Variants in RBL2 observed in about 807,000 individuals in gnomAD.
RBL2 encodes the protein retinoblastoma-like protein 2.
In RBL2, 56 loss-of-function variants were observed where a neutral mutation model predicts 126.0. That is an observed-to-expected ratio of 0.44 (90% confidence interval 0.36 to 0.56). The LOEUF (loss-of-function observed/expected upper bound fraction) is 0.56. Ranked by LOEUF, RBL2 falls within the 20% of genes least tolerant of loss-of-function variation. The probability of loss-of-function intolerance (pLI) is 0.00; values close to 1 mark genes in which losing one functional copy is unlikely to be tolerated. For synonymous variants in RBL2, 454 were observed against 478.5 expected, an observed-to-expected ratio of 0.95 and a Z score of 0.67; for missense variants, 1,229 against 1,398.2, an observed-to-expected ratio of 0.88 and a Z score of 1.93.
Position 53,444,540 on chromosome 16 carries a change from G to A in RBL2, c.572+1682G>A, listed in dbSNP as rs138575626. ...TGCACTCCAGCCTGGGCGATAGAGC[G>A]AGACTCCATTTTAATAAATAAATAA... On this transcript the variant is annotated intron_variant, in intron 3 of 21. Transcript: ENST00000262133. Among the ~76,000 whole-genome samples the A allele has an allele frequency of 6.1e-3, 922 of 150,184 alleles. 9 individuals are homozygous for A. Among genetic ancestry groups the A allele is most frequent in the African/African-American group, 0.022 (880 of 39,924 alleles).
intron 17 of RBL2, among the ~76,000 whole-genome samples, chr16:53,474,400 T>C (rs1303467594): frequency 6.6e-6 from 1 of 152,182 alleles, no homozygotes; most frequent in Non-Finnish European, 1.5e-5. Flanking sequence ...CACCGCAACC[T>C]CCGCCTCCCA....
Position 53,453,532 on chromosome 16 carries a change from C to T in RBL2, c.847C>T (p.His283Tyr), listed in dbSNP as rs894906149. 2 of 1,613,050 alleles carry T rather than the reference C, an allele frequency of 1.2e-6. No individual in the cohort carries two copies. The highest frequency in any genetic ancestry group is 1.7e-5 in the Admixed American group (1 of 60,004). ...TATCATTGAGAAACTGTGTTCCTTA[C>T]ATGATGGCCTAGTTTTGGAAGCAAA... ...PCIIEKLCSL[H>Y]DGLVLEAKGI... Residue 283 changes from histidine (H) to tyrosine (Y), a missense_variant, in exon 6 of 22, where the codon CAT (histidine) becomes TAT (tyrosine). Transcript: ENST00000262133.
intron 13 of RBL2, chr16:53,466,791 G>T (rs1038799464): frequency 6.5e-5 from 20 of 307,542 alleles, no homozygotes; most frequent in African/African-American, 4.5e-4. Flanking sequence ...CCCAGGGGTT[G>T]GGGACTCCTG....
At position 53,440,953 on chromosome 16, in the gene RBL2, CTTTTTTT is replaced by C. The variant is rs1178378934; in HGVS notation, c.372-1687_372-1681del. On this transcript the variant is annotated intron_variant, in intron 2 of 21. Transcript: ENST00000262133. ...ACTCTATTTTTTTTATTTTTCAGTT[CTTTTTTT>C]TTTTTTTTTTTTTTTTTGAGATGGA... Among the ~76,000 whole-genome samples, 13 of 71,662 alleles carry C rather than the reference CTTTTTTT, an allele frequency of 1.8e-4. No individual in the cohort carries two copies. The East Asian group carries it at 2.9e-3, about 16-fold the overall frequency. The allele number at this position is 71,662 out of a possible 152,430, so 47.0% of individuals were successfully genotyped here. A position where few individuals can be genotyped will look rare whatever the true frequency, so the allele number is the denominator to read the frequency against.
intron 5 of RBL2, 86 bp from the exon 6 acceptor site, chr16:53,453,366 T>G: frequency 1.6e-6 from 2 of 1,262,656 alleles, no homozygotes; most frequent in African/African-American, 1.5e-5. Flanking sequence ...GGTATACTGA[T>G]TATACTCTAT....
At chr16:53,481,519 A>G in intron 20 of RBL2, 152 bp from the exon 21 acceptor site, 1 of 680,844 alleles carries the variant, frequency 1.5e-6, no homozygotes, top group Non-Finnish European at 2.3e-6. Context: ...TTGCTATTAG[A>G]ATATTTTTCT....
intron 5 of RBL2, among the ~76,000 whole-genome samples, chr16:53,453,239 A>T (rs1218930126): frequency 6.6e-6 from 1 of 152,212 alleles, no homozygotes; most frequent in East Asian, 1.9e-4. Context: ...TAAATAATTG[A>T]ATAACTGAAA....
intron 1 of RBL2, among the ~76,000 whole-genome samples, chr16:53,437,550 C>T (rs1294784946): frequency 1.3e-5 from 2 of 152,042 alleles, no homozygotes; most frequent in African/African-American, 4.8e-5. Context: ...CAAACAATGC[C>T]TTAAAAATTA....
intron 1 of RBL2, among the ~76,000 whole-genome samples, chr16:53,435,229 C>G (rs564562693): frequency 6.6e-6 from 1 of 152,146 alleles, no homozygotes; most frequent in African/African-American, 2.4e-5. Flanking sequence ...TCCGTCTGTT[C>G]GCTTCCCCCT....
Position 53,465,448 on chromosome 16 carries a change from T to C in RBL2, c.1709T>C (p.Val570Ala). 1.4e-6 allele frequency: 2 copies of C among 1,464,500 alleles called. No homozygotes were observed. The highest frequency in any genetic ancestry group is 1.8e-6 in the Non-Finnish European group (2 of 1,105,252). The allele number at this position is 1,464,500 out of a possible 1,614,324, so 90.7% of individuals were successfully genotyped here. ...CATTTTTTATTTCAGGTGATAGAAGTATTCATTAGAGCAGAAGATGGCCTT... is the reference window on the plus strand; with the variant it reads ...CATTTTTTATTTCAGGTGATAGAAGCATTCATTAGAGCAGAAGATGGCCTT... ...PLYHFYKVIE[V>A]FIRAEDGLCR... The change falls in exon 13 of 22, where the codon GTA becomes GCA. Residue 570 changes from valine (V) to alanine (A), a missense_variant. Val to Ala is a moderately conservative substitution (Grantham distance 64, BLOSUM62 0). Transcript: ENST00000262133.
At chr16:53,442,524 G>A (rs2058025881) in intron 2 of RBL2, 134 bp from the exon 3 acceptor site, 1 of 659,964 alleles carries the variant, frequency 1.5e-6, no homozygotes, top group Non-Finnish European at 2.5e-6. Flanking sequence ...TCAGAGACAT[G>A]AGTTGTGATT....
chr16:53,463,561 C>CTTTTTTTTTTTTTTT (rs770657237), intron 11 of RBL2, among the ~76,000 whole-genome samples: 3 of 94,390 alleles, frequency 3.2e-5, no homozygotes, highest in African/African-American at 8.7e-5. Flanking sequence ...TTTTTTTTTC[C>CTTTTTTTTTTTTTTT]TTTTTTTTTT....
intron 21 of RBL2, among the ~76,000 whole-genome samples, chr16:53,482,627 G>A (rs9302647): frequency 0.013 from 1,940 of 151,950 alleles, 52 homozygotes; most frequent in African/African-American, 0.044. Context: ...CTAGTCAACA[G>A]GGTGAAACCT....
chr16:53,470,162 A>G lies in RBL2; in HGVS notation c.2222A>G (p.Gln741Arg), dbSNP rs866577133. The G allele has an allele frequency of 2.5e-6, 4 of 1,611,304 alleles. No homozygotes were observed. The Middle Eastern group carries it at 6.6e-4, about 266-fold the overall frequency. The change falls in exon 15 of 22, where the codon CAA (glutamine) becomes CGA (arginine). Residue 741 changes from glutamine (Q) to arginine (R), a missense_variant. Physicochemically the swap from Gln to Arg is conservative, Grantham distance 43 (BLOSUM62 1). Coordinates refer to ENST00000262133, the MANE Select transcript of RBL2 (RefSeq NM_005611.4). ...ATATVTANNGQTVTIPVQGIA... is the reference protein window; with the variant it reads ...ATATVTANNGRTVTIPVQGIA... ...GCCACTGTCACAGCCAACAATGGGC[A>G]AACGGTAACCATTCCTGTGCAAGGT...
At position 53,434,620 on chromosome 16, in the gene RBL2, G is replaced by A; in HGVS notation, c.64G>A (p.Asp22Asn). ...PPPPPAAAAS[D>N]EEEEDDGEAE... is the part of the protein sequence containing the mutation. ...TCCCCCTCCGGCGGCGGCAGCCTCG[G>A]ATGAGGAGGAGGAGGACGACGGCGA... The change falls in exon 1 of 22, where the codon GAT becomes AAT. Residue 22 changes from aspartate (D) to asparagine (N), a missense_variant. Coordinates refer to ENST00000262133, the MANE Select transcript of RBL2 (RefSeq NM_005611.4). 6.4e-7 allele frequency: 1 copy of A among 1,559,862 alleles called. No individual in the cohort carries two copies.
At position 53,451,817 on chromosome 16, in the gene RBL2, A is replaced by G. The variant is rs747631806; in HGVS notation, c.752A>G (p.Asn251Ser). The G allele has an allele frequency of 1.9e-6, 3 of 1,613,642 alleles. No individual in the cohort carries two copies. In the Admixed American group the frequency reaches 5.0e-5, roughly 27 times the overall value. Reference protein sequence around the residue: ...LQCSNRKELVNPNFKGLSEDF... With the variant: ...LQCSNRKELVSPNFKGLSEDF... ...TGTTCTAATCGTAAAGAACTTGTGA[A>G]CCCTAATTTTAAAGGTAGGTTTGTA... The change falls in exon 5 of 22, where the codon AAC (asparagine) becomes AGC (serine). Residue 251 changes from asparagine (N) to serine (S), a missense_variant. By Grantham distance (46) the Asn-to-Ser change is conservative. Around this residue, in one of 2 missense-constraint regions of RBL2, gnomAD observed 1,070 missense variants for 1,274.3 expected, o/e 0.84. Coordinates refer to ENST00000262133, the MANE Select transcript of RBL2 (RefSeq NM_005611.4).
rs565894283 is a variant in RBL2 at position 53,473,696 on chromosome 16, G to A, written c.2703+2774G>A. ...TCCAGTATAGTTGAACAGAACTGTC[G>A]AAAGCAGAAATCCTTGTCTTGATCT... On this transcript the variant is annotated intron_variant, in intron 17 of 21. Coordinates refer to ENST00000262133, the MANE Select transcript of RBL2 (RefSeq NM_005611.4). Among the ~76,000 whole-genome samples the A allele has an allele frequency of 7.2e-5, 11 of 151,934 alleles. 1 individual carries two copies. Among genetic ancestry groups the A allele is most frequent in the Admixed American group, 1.3e-4 (2 of 15,246 alleles).
intron 4 of RBL2, among the ~76,000 whole-genome samples, chr16:53,448,100 A>C (rs1359109678): frequency 6.6e-6 from 1 of 152,222 alleles, no homozygotes; most frequent in African/African-American, 2.4e-5. Flanking sequence ...TAGAGCTGGA[A>C]GGAGTTTCAT....
chr16:53,442,621 GTTAA>G (rs751069551), intron 2 of RBL2, 33 bp from the exon 3 acceptor site: 2 of 1,478,720 alleles, frequency 1.4e-6, no homozygotes, highest in East Asian at 4.5e-5. Context: ...TTAGCCTTAT[GTTAA>G]TTATGAAATA....
Sources: gnomAD v4.1 joint callset for allele counts (sites outside exome capture counted in the v4.1 genomes callset) on GRCh38, gnomAD v4.1.1 for gene constraint, gnomAD v4.1.1 regional missense constraint, MANE v1.5 for transcripts, NCBI Gene and HGNC (gene_info 2026-07-23, HGNC 2026-07-21) for gene names.